The following CTSF variants were observed in gnomAD, a reference collection of about 807,000 sequenced individuals.
CTSF encodes cathepsin F.
A neutral mutation model predicts 63.5 loss-of-function variants in CTSF; 65 were observed. The observed-to-expected ratio is 1.02, with a 90% CI of 0.84 to 1.26. CTSF has a LOEUF of 1.26. CTSF is among the 50% of genes most tolerant of loss of function. CTSF has a pLI of 0.00. For synonymous variants in CTSF, 256 were observed against 258.1 expected (o/e 0.99, Z 0.08); for missense variants, 641 against 631.0 (o/e 1.02, Z -0.17).
intron 8 of CTSF, among the ~76,000 whole-genome samples, chr11:66,565,336 G>A (rs1857905448): frequency 6.6e-6 from 1 of 152,160 alleles, no homozygotes; most frequent in African/African-American, 2.4e-5. Context: ...AACCTCCTGG[G>A]CTCAAGCGAT....
chr11:66,564,258 A>C, intron 11 of CTSF, 112 bp from the exon 12 acceptor site: 2 of 1,358,176 alleles, frequency 1.5e-6, no homozygotes, highest in Non-Finnish European at 2.0e-6. Flanking sequence ...GACAGGGACT[A>C]GGAAAAGAGC....
Position 66,564,893 on chromosome 11 carries a change from C to T in CTSF, c.1159G>A (p.Glu387Lys), listed in dbSNP as rs2134950483. 3.1e-6 allele frequency: 5 copies of T among 1,612,332 alleles called. No individual in the cohort carries two copies. The highest frequency in any genetic ancestry group is 1.7e-5 in the Admixed American group (1 of 59,980). Reference sequence around the variant, plus strand: ...CACCCTGCCCCTCACTCACTCTGCTCGTTCTGGCTCAGCTCCACGGAGTCA... The same window carrying T: ...CACCCTGCCCCTCACTCACTCTGCTTGTTCTGGCTCAGCTCCACGGAGTCA... ...INDSVELSQN[E>K]QKLAAWLAKR... The change falls in exon 9 of 13, where the codon GAG becomes AAG. Residue 387 changes from glutamate (E) to lysine (K), a missense_variant. Physicochemically the swap from Glu to Lys is moderately conservative, Grantham distance 56. Coordinates refer to ENST00000310325, the MANE Select transcript of CTSF (RefSeq NM_003793.4).
Position 66,563,973 on chromosome 11 carries a change from C to T in CTSF, c.1415G>A (p.Cys472Tyr), listed in dbSNP as rs758987304. The change falls in exon 13 of 13, where the codon TGT becomes TAT. Residue 472 changes from cysteine to tyrosine, a missense_variant. Coordinates refer to ENST00000310325, the MANE Select transcript of CTSF (RefSeq NM_003793.4). ...YYYLHRGSGACGVNTMASSAV... is the reference protein window; with the variant it reads ...YYYLHRGSGAYGVNTMASSAV... ...CGAGCTGGCCATGGTGTTCACGCCA[C>T]AGGCCCCGGACCCACGATGCAAGTA... The T allele has an allele frequency of 1.4e-5, 23 of 1,613,640 alleles. No individual in the cohort carries two copies. The highest frequency in any genetic ancestry group is 1.9e-5 in the Non-Finnish European group (22 of 1,180,036).
intron 4 of CTSF, 150 bp from the exon 5 acceptor site, chr11:66,566,554 T>C (rs989219046): frequency 4.3e-6 from 3 of 690,078 alleles, no homozygotes; most frequent in Non-Finnish European, 7.4e-6. Flanking sequence ...TGATCAACTT[T>C]TAGGGCCAAA....
At chr11:66,565,155 A>T in intron 8 of CTSF, 149 bp from the exon 9 acceptor site, 1 of 1,363,250 alleles carries the variant, frequency 7.3e-7, no homozygotes, top group South Asian at 1.5e-5. Context: ...TTCATTCTAG[A>T]AATGACACAT....
At chr11:66,567,824 C>A in intron 2 of CTSF, 160 bp downstream of exon 2, 1 of 1,358,300 alleles carries the variant, frequency 7.4e-7, no homozygotes, top group East Asian at 2.4e-5. Context: ...GGCATCCTCC[C>A]CTTCATAGCA....
At position 66,563,904 on chromosome 11, in the gene CTSF, G is replaced by C; in HGVS notation, c.*29C>G. On this transcript the variant is annotated 3_prime_UTR_variant, in exon 13 of 13. Transcript: ENST00000310325. ...GCTGGGGCAGCAGCCACTCTGATCA[G>C]CACCAGGTCCCGAGCTGGGGGCCCC... is the stretch of plus-strand genomic sequence containing the variant. 2 of 1,611,064 alleles carry C rather than the reference G, an allele frequency of 1.2e-6. No individual in the cohort carries two copies.
Position 66,568,259 on chromosome 11 carries a change from C to G in CTSF, c.213+15G>C, listed in dbSNP as rs1255263609. 3 of 1,512,576 alleles carry G rather than the reference C, an allele frequency of 2.0e-6. No homozygotes were observed. In the East Asian group the frequency reaches 7.9e-5, roughly 40 times the overall value. The allele number at this position is 1,512,576 out of a possible 1,614,324, so 93.7% of individuals were successfully genotyped here. A position where few individuals can be genotyped will look rare whatever the true frequency, so the allele number is the denominator to read the frequency against. The stretch of plus-strand genomic sequence containing the variant: ...GGACCCGGGCCTGGCGCCCCCGCCC[C>G]CGGCGCGTCCTCACCCGGCGGACGC... On this transcript the variant is annotated intron_variant, in intron 1 of 12. Transcript: ENST00000310325.
In CTSF at chr11:66,567,289, C is replaced by G. The variant is rs140630766; in HGVS notation, c.564G>C (p.Lys188Asn). 15 of 1,614,066 alleles carry G rather than the reference C, an allele frequency of 9.3e-6. No homozygotes were observed. In the African/African-American group the frequency reaches 1.9e-4, roughly 20 times the overall value. ...DLPVKMASIF[K>N]NFVITYNRTY... ...TCCGGTTATAGGTAATGACAAAGTTCTTGAAGATTGAAGCCATCTTCACAG... is the reference window on the plus strand; with the variant it reads ...TCCGGTTATAGGTAATGACAAAGTTGTTGAAGATTGAAGCCATCTTCACAG... Residue 188 changes from lysine to asparagine, a missense_variant, in exon 4 of 13, where the codon AAG becomes AAC. By Grantham distance (94) the Lys-to-Asn change is moderately conservative. Transcript: ENST00000310325.
In CTSF at chr11:66,567,320, T is replaced by C; in HGVS notation, c.533A>G (p.Asp178Gly). The C allele has an allele frequency of 1.2e-6, 2 of 1,614,132 alleles. No homozygotes were observed. The highest frequency in any genetic ancestry group is 1.7e-6 in the Non-Finnish European group (2 of 1,180,002). ...GATTGAAGCCATCTTCACAGGCAAG[T>C]CCTGGATAGGCAGACCAGTCTTTAG... Reference protein sequence around the residue: ...SLLNEDPLSQDLPVKMASIFK... With the variant: ...SLLNEDPLSQGLPVKMASIFK... The change falls in exon 4 of 13, where the codon GAC (aspartate) becomes GGC (glycine). Residue 178 changes from aspartate (D) to glycine (G), a missense_variant and splice_region_variant. Transcript: ENST00000310325.
Position 66,568,427 on chromosome 11 carries a change from G to A in CTSF, c.60C>T (p.Ala20=). The change falls in exon 1 of 13, where the codon GCC becomes GCT. Residue 20 remains alanine (A), a synonymous_variant. Transcript: ENST00000310325. Reference sequence around the variant, plus strand: ...AGCTGGCGGCTCGGGGCTGGGCGGGGGCGGCCACTGCGCCCGGGAGCAGCC... The same window carrying A: ...AGCTGGCGGCTCGGGGCTGGGCGGGAGCGGCCACTGCGCCCGGGAGCAGCC... The part of the protein sequence containing the change: ...LLGLLPGAVA[A]PAQPRAASFQ... 1 of 1,367,418 alleles carries A rather than the reference G, an allele frequency of 7.3e-7. No individual in the cohort carries two copies. Among genetic ancestry groups the A allele is most frequent in the Non-Finnish European group, 9.3e-7 (1 of 1,070,686 alleles). The allele number at this position is 1,367,418 out of a possible 1,614,324, so 84.7% of individuals were successfully genotyped here.
At position 66,564,583 on chromosome 11, in the gene CTSF, C is replaced by T. The variant is rs778969360; in HGVS notation, c.1296G>A (p.Ala432=). ...PLCSPWLIDH[A]VLLVGYGNRS... ...GGTTGCCGTAGCCCACAAGCAACACCGCATGGTCAATGAGCCAAGGGCTGC... is the reference window on the plus strand; with the variant it reads ...GGTTGCCGTAGCCCACAAGCAACACTGCATGGTCAATGAGCCAAGGGCTGC... The change falls in exon 11 of 13, where the codon GCG becomes GCA. Residue 432 remains alanine (A), a synonymous_variant. Coordinates refer to ENST00000310325, the MANE Select transcript of CTSF (RefSeq NM_003793.4). The T allele has an allele frequency of 5.1e-6, 8 of 1,582,186 alleles. No homozygotes were observed. Among genetic ancestry groups the T allele is most frequent in the South Asian group, 1.2e-5 (1 of 86,956 alleles).
intron 1 of CTSF, 34 bp from the exon 2 acceptor site, chr11:66,568,116 G>A (rs372415902): frequency 6.3e-7 from 1 of 1,593,782 alleles, no homozygotes; most frequent in Non-Finnish European, 8.5e-7. Flanking sequence ...GGGCACAGTC[G>A]GCCCTTGACG....
chr11:66,566,145 G>A lies in CTSF; in HGVS notation c.744C>T (p.Tyr248=), dbSNP rs1485574419. The part of the protein sequence containing the change: ...DLTEEEFRTI[Y]LNTLLRKEPG... ...GCTCTTTCCTCAGGAGAGTATTCAG[G>A]TAGATAGTGCGGAACTCCTCCTCTG... Residue 248 remains tyrosine (Y), a synonymous_variant, in exon 6 of 13, where the codon TAC becomes TAT. Transcript: ENST00000310325. 5.6e-6 allele frequency: 9 copies of A among 1,614,042 alleles called. No homozygotes were observed. The highest frequency in any genetic ancestry group is 1.7e-5 in the Admixed American group (1 of 60,004).
chr11:66,567,988 GT>G lies in CTSF; in HGVS notation c.307del (p.Thr103ProfsTer45). 6.3e-7 allele frequency: 1 copy of G among 1,591,734 alleles called. No homozygotes were observed. Among genetic ancestry groups the G allele is most frequent in the Non-Finnish European group, 8.5e-7 (1 of 1,171,128 alleles). ...MVCRLPVSKK[T>X]LLCSFQVLDE... ...CCCAAGAGCCTCATCACTCACCAGG[GT>G]TTTCTTGGACACGGGGAGCCGGCAC... is the stretch of plus-strand genomic sequence containing the variant. On this transcript the variant is annotated frameshift_variant, in exon 2 of 13. Coordinates refer to ENST00000310325, the MANE Select transcript of CTSF (RefSeq NM_003793.4). LOFTEE classifies it high-confidence loss of function.
intron 9 of CTSF, 40 bp downstream of exon 9, chr11:66,564,847 C>G (rs770422849): frequency 6.2e-7 from 1 of 1,614,076 alleles, no homozygotes; most frequent in Admixed American, 1.7e-5. Context: ...ACCCAGGCCC[C>G]GGCCCCACCT....
At chr11:66,567,211 G>A (rs1485152812) in intron 4 of CTSF, 35 bp downstream of exon 4, 1 of 1,601,440 alleles carries the variant, frequency 6.2e-7, no homozygotes, top group East Asian at 2.2e-5. Context: ...GTCCTGTTCT[G>A]ATAGGAACAG....
Position 66,564,616 on chromosome 11 carries a change from C to A in CTSF, c.1263G>T (p.Arg421=), listed in dbSNP as rs768353764. 1.9e-6 allele frequency: 3 copies of A among 1,603,022 alleles called. No homozygotes were observed. Among genetic ancestry groups the A allele is most frequent in the Non-Finnish European group, 2.6e-6 (3 of 1,175,158 alleles). ...FYRHGISRPL[R]PLCSPWLIDH... is the part of the protein sequence containing the mutation. ...CAATGAGCCAAGGGCTGCAGAGGGG[C>A]CGGAGAGGGCGGGAGATCCCGTGGC... Residue 421 remains arginine, a synonymous_variant, in exon 11 of 13, where the codon CGG becomes CGT. Transcript: ENST00000310325.
Position 66,566,024 on chromosome 11 carries a change from G to A in CTSF, c.865C>T (p.Gln289Ter). The change falls in exon 6 of 13, where the codon CAG becomes TAG. Residue 289 changes from glutamine to a stop codon, truncating the protein, a stop_gained and splice_region_variant. Coordinates refer to ENST00000310325, the MANE Select transcript of CTSF (RefSeq NM_003793.4). LOFTEE classifies it high-confidence loss of function. ...SKGAVTKVKD[Q>*]GMCGSCWAFS... ...ACCCTCACTTCCAGGGGTCCAACCT[G>A]GTCTTTGACTTTTGTGACAGCCCCC... 1 of 1,614,142 alleles carries A rather than the reference G, an allele frequency of 6.2e-7. No individual in the cohort carries two copies. The highest frequency in any genetic ancestry group is 1.1e-5 in the South Asian group (1 of 91,078).
Sources: allele counts gnomAD v4.1 joint callset (sites outside exome capture counted in the v4.1 genomes callset), GRCh38; gene constraint gnomAD v4.1.1; transcripts MANE v1.5; gene names NCBI Gene and HGNC (gene_info 2026-07-23, HGNC 2026-07-21).